Variants in MYLK4 observed in about 807,000 individuals in gnomAD.
The protein encoded by MYLK4 is caMLCK like.
Under a neutral mutation model 48.1 loss-of-function variants are expected in MYLK4, and 46 were observed. The observed-to-expected ratio is 0.96, with a 90% CI of 0.75 to 1.22. The LOEUF is 1.22. Ranked by LOEUF, MYLK4 falls within the 50% of genes most tolerant of loss-of-function variation. The pLI is 0.00. For missense variants in MYLK4, 451 were observed against 486.1 expected, an observed-to-expected ratio of 0.93 and a Z score of 0.68; for synonymous variants, 170 against 180.8, an observed-to-expected ratio of 0.94 and a Z score of 0.48.
intron 2 of MYLK4, among the ~76,000 whole-genome samples, chr6:2,697,138 C>T (rs756444915): frequency 5.1e-4 from 77 of 152,172 alleles, no homozygotes; most frequent in Non-Finnish European, 8.2e-4. Context: ...ATAAATATAT[C>T]GCGGAGTGCT....
At chr6:2,749,819 G>A (rs1038202894) in intron 1 of MYLK4, among the ~76,000 whole-genome samples, 2 of 152,168 alleles carry the variant, frequency 1.3e-5, no homozygotes, top group African/African-American at 4.8e-5. Context: ...CCTCTGCAGA[G>A]GGATCGCTCC....
chr6:2,745,206 G>A (rs1261145451), intron 2 of MYLK4, among the ~76,000 whole-genome samples: 1 of 152,174 alleles, frequency 6.6e-6, no homozygotes. Flanking sequence ...AAAGGGGTGT[G>A]GGGGTGTATA....
chr6:2,701,024 T>C (rs1762262245), intron 2 of MYLK4, among the ~76,000 whole-genome samples: 1 of 152,192 alleles, frequency 6.6e-6, no homozygotes, highest in African/African-American at 2.4e-5. Flanking sequence ...ATTGAGAGCG[T>C]GAGTGCATGT....
chr6:2,768,644 CTG>C, the MYLK4 span: 5 of 1,523,702 alleles, frequency 3.3e-6, no homozygotes, highest in Admixed American at 4.1e-5. Flanking sequence ...GCTGGTCTCT[CTG>C]TGTCTTACCA....
chr6:2,725,507 G>C (rs1418056201), intron 2 of MYLK4, among the ~76,000 whole-genome samples: 1 of 146,862 alleles, frequency 6.8e-6, no homozygotes, highest in African/African-American at 2.6e-5. Flanking sequence ...GGGGGAGAGA[G>C]AGAGAGACAG....
At chr6:2,689,864 GT>G (rs1761706464) in intron 3 of MYLK4, among the ~76,000 whole-genome samples, 1 of 152,184 alleles carries the variant, frequency 6.6e-6, no homozygotes. Flanking sequence ...TCTGCCAAGT[GT>G]TAATATTTTT....
chr6:2,728,696 GTCCTA>G (rs1763374850), intron 2 of MYLK4, among the ~76,000 whole-genome samples: 1 of 152,220 alleles, frequency 6.6e-6, no homozygotes. Flanking sequence ...CTGTCCTTCT[GTCCTA>G]GTTATCACAG....
At chr6:2,758,309 T>A in the MYLK4 span, among the ~76,000 whole-genome samples, 1 of 151,568 alleles carries the variant, frequency 6.6e-6, no homozygotes, top group Non-Finnish European at 1.5e-5. Flanking sequence ...TCACAGTAAT[T>A]TATAATATTT....
the MYLK4 span, among the ~76,000 whole-genome samples, chr6:2,759,681 G>T: frequency 2.0e-5 from 3 of 151,994 alleles, no homozygotes; most frequent in Non-Finnish European, 4.4e-5. Context: ...TCCTTTTACG[G>T]TTAGTGCATT....
the MYLK4 span, among the ~76,000 whole-genome samples, chr6:2,759,827 A>T: frequency 5.3e-5 from 8 of 152,242 alleles, no homozygotes; most frequent in Non-Finnish European, 8.8e-5. Flanking sequence ...AGAGATTTTT[A>T]AAAATCAATG....
At position 2,671,413 on chromosome 6, in the gene MYLK4, C is replaced by T. The variant is rs375776961; in HGVS notation, c.1120-65G>A. 13 of 1,464,922 alleles carry T rather than the reference C, an allele frequency of 8.9e-6. No individual in the cohort carries two copies. In the South Asian group the frequency reaches 1.4e-4, roughly 16 times the overall value. 90.7% of individuals were successfully genotyped at this position (1,464,922 alleles called of 1,614,324 possible). On this transcript the variant is annotated intron_variant, in intron 11 of 12. Transcript: ENST00000274643. ...TTTCCTTCAGGTCCTGACTTATGAG[C>T]TCACATGAAAAGACAATCACTTGCT...
chr6:2,748,928 G>T (rs991254928), intron 2 of MYLK4, among the ~76,000 whole-genome samples: 1 of 152,172 alleles, frequency 6.6e-6, no homozygotes, highest in Non-Finnish European at 1.5e-5. Context: ...AAGTGAAGTC[G>T]ACTGCTGGCA....
chr6:2,688,877 A>G lies in MYLK4; in HGVS notation c.315T>C (p.Thr105=), dbSNP rs1402193006. The part of the protein sequence containing the change: ...AKQGAVNSFY[T]VSKTEILGGG... ...CTCCTAGGATTTCTGTCTTGCTCAC[A>G]GTATAGAAGCTGTTGACCGCTCCTT... Residue 105 remains threonine (T), a synonymous_variant, in exon 4 of 13, where the codon ACT becomes ACC. Coordinates refer to ENST00000274643, the MANE Select transcript of MYLK4 (RefSeq NM_001012418.5). The G allele has an allele frequency of 1.9e-6, 3 of 1,614,176 alleles. No individual in the cohort carries two copies. Among genetic ancestry groups the G allele is most frequent in the South Asian group, 2.2e-5 (2 of 91,084 alleles).
chr6:2,765,586 G>A, the MYLK4 span: 2 of 1,457,700 alleles, frequency 1.4e-6, no homozygotes, highest in Non-Finnish European at 1.8e-6. Context: ...ACGGGTTGCT[G>A]CGGCCGCGCC....
At chr6:2,764,269 C>G in the MYLK4 span, among the ~76,000 whole-genome samples, 1 of 152,152 alleles carries the variant, frequency 6.6e-6, no homozygotes, top group Non-Finnish European at 1.5e-5. Context: ...TCTTAACCAG[C>G]CAGCCAGGCG....
chr6:2,682,310 TA>T (rs1761339117), intron 7 of MYLK4, among the ~76,000 whole-genome samples: 1 of 152,222 alleles, frequency 6.6e-6, no homozygotes. Flanking sequence ...TTGTTGGGCC[TA>T]GGTCTTTTAT....
Position 2,750,899 on chromosome 6 carries a change from C to T in MYLK4, c.-276G>A, listed in dbSNP as rs1005015946. On this transcript the variant is annotated 5_prime_UTR_variant, in exon 1 of 13. Coordinates refer to ENST00000274643, the MANE Select transcript of MYLK4 (RefSeq NM_001012418.5). ...CTTCTGAAAAGACAAGTGTCCACTA[C>T]GAGAGGAAGTATCTTCTCTCTCAAA... The T allele has an allele frequency of 1.3e-5, 2 of 152,676 alleles. No homozygotes were observed. The highest frequency in any genetic ancestry group is 1.5e-5 in the Non-Finnish European group (1 of 68,046). 9.5% of individuals were successfully genotyped at this position (152,676 alleles called of 1,614,324 possible). A position where few individuals can be genotyped will look rare whatever the true frequency, so the allele number is the denominator to read the frequency against.
intron 7 of MYLK4, among the ~76,000 whole-genome samples, chr6:2,681,219 A>G (rs569554830): frequency 6.6e-6 from 1 of 152,344 alleles, no homozygotes; most frequent in East Asian, 1.9e-4. Context: ...TAGTGGGATC[A>G]GGCTCCCCTC....
In MYLK4 at chr6:2,728,422, A is replaced by C. The variant is rs1404560427; in HGVS notation, c.159+20714T>G. On this transcript the variant is annotated intron_variant, in intron 2 of 12. Coordinates refer to ENST00000274643, the MANE Select transcript of MYLK4 (RefSeq NM_001012418.5). ...CTGAAGAGTTTTATTAAAAAAAACAAAACAGTCTGATGATGCCCAGCCCTG... is the reference window on the plus strand; with the variant it reads ...CTGAAGAGTTTTATTAAAAAAAACACAACAGTCTGATGATGCCCAGCCCTG... 3.3e-5 allele frequency among the ~76,000 whole-genome samples: 5 copies of C among 151,890 alleles called. No homozygotes were observed. In the South Asian group the frequency reaches 8.3e-4, roughly 25 times the overall value.
Sources: gnomAD v4.1 joint callset for allele counts (sites outside exome capture counted in the v4.1 genomes callset) on GRCh38, gnomAD v4.1.1 for gene constraint, MANE v1.5 for transcripts, NCBI Gene and HGNC (gene_info 2026-07-23, HGNC 2026-07-21) for gene names.